Variants in DYNC2H1 observed in about 807,000 individuals in gnomAD.
The protein encoded by DYNC2H1 is dynein cytoplasmic 2 heavy chain 1.
In DYNC2H1, 410 loss-of-function variants were observed where a neutral mutation model predicts 570.0. The observed-to-expected ratio is 0.72, with a 90% CI of 0.66 to 0.78. DYNC2H1 has a LOEUF of 0.78. DYNC2H1 is among the 30% of genes least tolerant of loss of function. The probability of loss-of-function intolerance (pLI) is 0.00; values close to 1 mark genes in which losing one functional copy is unlikely to be tolerated. For missense variants in DYNC2H1, 4,865 were observed against 5,046.4 expected (o/e 0.96, Z 1.09); for synonymous variants, 1,688 against 1,677.6 (o/e 1.01, Z -0.15).
chr11:103,312,001 G>A lies in DYNC2H1; in HGVS notation c.11617G>A (p.Ala3873Thr). 6.2e-7 allele frequency: 1 copy of A among 1,612,166 alleles called. No individual in the cohort carries two copies. The highest frequency in any genetic ancestry group is 8.5e-7 in the Non-Finnish European group (1 of 1,179,316). The change falls in exon 79 of 89, where the codon GCA (alanine) becomes ACA (threonine). Residue 3873 changes from alanine to threonine, a missense_variant. By Grantham distance (58) the Ala-to-Thr change is moderately conservative. Coordinates refer to ENST00000375735, the MANE Select transcript of DYNC2H1 (RefSeq NM_001377.3). ...ALFSLAWFHA[A>T]CQERRNYIPQ... ...CTTCAGTCTTGCATGGTTTCATGCT[G>A]CATGTCAAGAAAGAAGAAACTATAT...
intron 86 of DYNC2H1, 48 bp downstream of exon 86, chr11:103,455,343 T>C (rs1944751399): frequency 6.6e-7 from 1 of 1,506,692 alleles, no homozygotes; most frequent in African/African-American, 1.4e-5. Flanking sequence ...CGGTAATTAG[T>C]TTTGCTTTAT....
At chr11:103,155,731 TG>T (rs1860787985) in intron 25 of DYNC2H1, among the ~76,000 whole-genome samples, 1 of 152,182 alleles carries the variant, frequency 6.6e-6, no homozygotes, top group Non-Finnish European at 1.5e-5. Flanking sequence ...AGAATCAGTT[TG>T]CTAATCACTT....
intron 38 of DYNC2H1, among the ~76,000 whole-genome samples, 186 bp from the exon 39 acceptor site, chr11:103,178,836 TATAG>T (rs1861732416): frequency 6.6e-6 from 1 of 152,052 alleles, no homozygotes; most frequent in African/African-American, 2.4e-5. Flanking sequence ...TTTGTATGTT[TATAG>T]ATAAAGTATT....
At chr11:103,253,223 A>T in intron 65 of DYNC2H1, 62 bp from the exon 66 acceptor site, 1 of 1,475,388 alleles carries the variant, frequency 6.8e-7, no homozygotes, top group Non-Finnish European at 9.1e-7. Context: ...TTATATTTTC[A>T]AATATTGTAT....
At chr11:103,313,024 C>T (rs1362557148) in intron 79 of DYNC2H1, among the ~76,000 whole-genome samples, 14 of 152,236 alleles carry the variant, frequency 9.2e-5, no homozygotes, top group African/African-American at 3.4e-4. Context: ...ACCTGTACTA[C>T]TTTCTGAATT....
At chr11:103,479,006 ATAT>A in intron 88 of DYNC2H1, 86 bp from the exon 89 acceptor site, 1 of 1,384,946 alleles carries the variant, frequency 7.2e-7, no homozygotes, top group Non-Finnish European at 9.9e-7. Context: ...TCATAATATA[ATAT>A]TAATATGTTT....
chr11:103,165,797 T>C, intron 30 of DYNC2H1, 101 bp from the exon 31 acceptor site: 1 of 882,280 alleles, frequency 1.1e-6, no homozygotes. Context: ...AGAGATCCAA[T>C]ATACAATTGG....
intron 70 of DYNC2H1, among the ~76,000 whole-genome samples, chr11:103,265,585 T>G (rs920228829): frequency 1.3e-5 from 2 of 152,242 alleles, no homozygotes; most frequent in African/African-American, 2.4e-5. Flanking sequence ...TTTCTTGGAT[T>G]GCCTTTCAAT....
rs1343202406 is a variant in DYNC2H1 at position 103,245,530 on chromosome 11, G to A, written c.10042+156G>A. On this transcript the variant is annotated intron_variant, in intron 65 of 88. Transcript: ENST00000375735. The surrounding 1 kb of genome is among the most constrained non-coding windows in gnomAD (Gnocchi z 4.5). The stretch of plus-strand genomic sequence containing the variant: ...TATGTGTAAAGTTGTGACAATATGT[G>A]TAAAATGTTGTTTATCAGGAAAGCT... Among the ~76,000 whole-genome samples the A allele has an allele frequency of 6.6e-6, 1 of 152,088 alleles. No individual in the cohort carries two copies. Among genetic ancestry groups the A allele is most frequent in the Non-Finnish European group, 1.5e-5 (1 of 67,998 alleles).
intron 83 of DYNC2H1, among the ~76,000 whole-genome samples, chr11:103,380,923 T>C (rs1941618636): frequency 6.6e-6 from 1 of 152,190 alleles, no homozygotes; most frequent in Admixed American, 6.5e-5. Flanking sequence ...ATACCTGCCA[T>C]GTTTGTTATT....
chr11:103,401,606 T>C (rs2135652736), intron 84 of DYNC2H1, among the ~76,000 whole-genome samples: 1 of 152,284 alleles, frequency 6.6e-6, no homozygotes, highest in Middle Eastern at 3.4e-3. Context: ...TTCTACCACA[T>C]AGCAACTGTG....
chr11:103,248,390 T>C (rs1398621591), intron 65 of DYNC2H1, among the ~76,000 whole-genome samples: 2 of 152,052 alleles, frequency 1.3e-5, no homozygotes, highest in Non-Finnish European at 2.9e-5. Flanking sequence ...ATTTCTGAAG[T>C]GTTTGGACCT....
At chr11:103,345,459 C>G (rs1939695392) in intron 82 of DYNC2H1, among the ~76,000 whole-genome samples, 1 of 152,190 alleles carries the variant, frequency 6.6e-6, no homozygotes, top group South Asian at 2.1e-4. Context: ...TATCTGCATC[C>G]TTTTAATCCT....
At chr11:103,284,563 G>A (rs1048695580) in intron 73 of DYNC2H1, among the ~76,000 whole-genome samples, 2 of 151,878 alleles carry the variant, frequency 1.3e-5, no homozygotes, top group Non-Finnish European at 1.5e-5. Context: ...GCAATGATGG[G>A]GCCTTGTATA....
At position 103,168,908 on chromosome 11, in the gene DYNC2H1, C is replaced by CATG; in HGVS notation, c.4917_4919dup (p.Thr1639_Cys1640insTer). On this transcript the variant is annotated stop_gained and inframe_insertion, in exon 32 of 89. Transcript: ENST00000375735. LOFTEE classifies it high-confidence loss of function. Reference sequence around the variant, plus strand: ...AGATTCTATATGAAAAGTGATCATACATGTTGTGTTCAAATGGTGGATTCT... The same window carrying CATG: ...AGATTCTATATGAAAAGTGATCATACATGATGTTGTGTTCAAATGGTGGATTCT... 1 of 1,612,732 alleles carries CATG rather than the reference C, an allele frequency of 6.2e-7. No individual in the cohort carries two copies. Among genetic ancestry groups the CATG allele is most frequent in the Non-Finnish European group, 8.5e-7 (1 of 1,179,372 alleles).
At chr11:103,441,259 T>A (rs1944259073) in intron 85 of DYNC2H1, among the ~76,000 whole-genome samples, 1 of 152,080 alleles carries the variant, frequency 6.6e-6, no homozygotes, top group Non-Finnish European at 1.5e-5. Flanking sequence ...CCGGGATATG[T>A]GCAAGGAAGC....
In DYNC2H1 at chr11:103,153,459, G is replaced by T; in HGVS notation, c.3253G>T (p.Glu1085Ter). Residue 1085 changes from glutamate (E) to a stop codon, truncating the protein, a stop_gained, in exon 22 of 89, where the codon GAG (glutamate) becomes TAG (stop). Coordinates refer to ENST00000375735, the MANE Select transcript of DYNC2H1 (RefSeq NM_001377.3). LOFTEE classifies it high-confidence loss of function. ...TLDKSAKLIKEKKIEFDDLEV... is the reference protein window; with the variant it reads ...TLDKSAKLIK ...TGATAAAAGTGCAAAGTTAATAAAA[G>T]AGAAAAAAATTGAGTTTGATGATCT... is the stretch of plus-strand genomic sequence containing the variant. 1 of 1,566,974 alleles carries T rather than the reference G, an allele frequency of 6.4e-7. No homozygotes were observed. The highest frequency in any genetic ancestry group is 8.6e-7 in the Non-Finnish European group (1 of 1,157,748).
intron 85 of DYNC2H1, among the ~76,000 whole-genome samples, chr11:103,438,246 T>C (rs1349879049): frequency 6.6e-6 from 1 of 152,078 alleles, no homozygotes; most frequent in African/African-American, 2.4e-5. Context: ...GATATCCATC[T>C]CCCTGAGGTA....
At position 103,244,804 on chromosome 11, in the gene DYNC2H1, ATAGT is replaced by A. The variant is rs1864549327; in HGVS notation, c.9919-444_9919-441del. 6.7e-6 allele frequency among the ~76,000 whole-genome samples: 1 copy of A among 149,864 alleles called. No homozygotes were observed. Among genetic ancestry groups the A allele is most frequent in the African/African-American group, 2.4e-5 (1 of 41,004 alleles). ...ATAAGTACTATATCTATATATAGTC[ATAGT>A]TATAGACATATAAGTAACTATATAG... is the stretch of plus-strand genomic sequence containing the variant. On this transcript the variant is annotated intron_variant, in intron 64 of 88. Transcript: ENST00000375735. The surrounding 1 kb of genome is among the most constrained non-coding windows in gnomAD (Gnocchi z 4.3).
Sources: allele counts gnomAD v4.1 joint callset (sites outside exome capture counted in the v4.1 genomes callset), GRCh38; gene constraint gnomAD v4.1.1; non-coding constraint Gnocchi (gnomAD v3.1); transcripts MANE v1.5; gene names NCBI Gene and HGNC (gene_info 2026-07-23, HGNC 2026-07-21).